MTUS1: variants seen among roughly 807,000 people sequenced by gnomAD.
MTUS1 encodes the protein microtubule-associated tumor suppressor 1.
MTUS1 carries 109 observed loss-of-function variants against 120.8 expected under a neutral mutation model. That is an observed-to-expected ratio of 0.90 (90% CI 0.77 to 1.06). MTUS1 has a LOEUF of 1.06. MTUS1 is among the 50% of genes least tolerant of loss of function. The pLI is 0.00. For synonymous variants in MTUS1, 737 were observed against 550.5 expected (o/e 1.34, Z -4.74); for missense variants, 2,210 against 1,486.3 (o/e 1.49, Z -8.01).
chr8:17,680,707 T>G (rs1262079192), intron 7 of MTUS1, among the ~76,000 whole-genome samples: 1 of 152,056 alleles, frequency 6.6e-6, no homozygotes, highest in Non-Finnish European at 1.5e-5. Context: ...ACTGAGCACC[T>G]GATAAAGGCC....
intron 8 of MTUS1, among the ~76,000 whole-genome samples, chr8:17,661,237 G>A (rs1339779125): frequency 6.6e-6 from 1 of 152,184 alleles, no homozygotes; most frequent in East Asian, 1.9e-4. Flanking sequence ...AACATACTTT[G>A]CAAGCCGTTG....
chr8:17,774,398 A>T (rs2050251399), intron 1 of MTUS1, among the ~76,000 whole-genome samples: 1 of 152,192 alleles, frequency 6.6e-6, no homozygotes, highest in Non-Finnish European at 1.5e-5. Context: ...TCAGAAGAGG[A>T]TAAGGACTGG....
At chr8:17,785,292 A>C (rs186360297) in intron 1 of MTUS1, among the ~76,000 whole-genome samples, 36 of 152,358 alleles carry the variant, frequency 2.4e-4, no homozygotes, top group Admixed American at 1.4e-3. Context: ...TGGAGGCTAA[A>C]GGGACCCAGA....
intron 14 of MTUS1, 59 bp from the exon 15 acceptor site, chr8:17,646,198 ATTTTTCTTAGCGTT>A: frequency 6.8e-7 from 1 of 1,471,836 alleles, no homozygotes; most frequent in South Asian, 1.4e-5. Context: ...AACTTGAAAA[ATTTTTCTTAGCGTT>A]TGAAACTTTA....
In MTUS1 at chr8:17,754,687, G is replaced by A. The variant is rs2048463311; in HGVS notation, c.1121C>T (p.Thr374Ile). 1.9e-6 allele frequency: 3 copies of A among 1,614,080 alleles called. No individual in the cohort carries two copies. In the African/African-American group the frequency reaches 4.0e-5, roughly 22 times the overall value. Residue 374 changes from threonine to isoleucine, a missense_variant, in exon 2 of 15, where the codon ACT becomes ATT. Transcript: ENST00000693296. ...VLNPEHKVTETEDTQMVSKGK... is the reference protein window; with the variant it reads ...VLNPEHKVTEIEDTQMVSKGK... ...TTTGGAGACCATTTGTGTGTCTTCA[G>A]TCTCAGTGACTTTATGCTCTGGGTT...
At chr8:17,776,637 C>G (rs1054624062) in intron 1 of MTUS1, among the ~76,000 whole-genome samples, 3 of 138,006 alleles carry the variant, frequency 2.2e-5, no homozygotes, top group African/African-American at 8.3e-5. Context: ...TGAGACTGCA[C>G]CACGGCACTC....
intron 1 of MTUS1, among the ~76,000 whole-genome samples, chr8:17,783,553 G>A (rs987551536): frequency 6.6e-6 from 1 of 152,068 alleles, no homozygotes; most frequent in East Asian, 1.9e-4. Flanking sequence ...TATGCAATGC[G>A]CATGCTGTTG....
intron 6 of MTUS1, among the ~76,000 whole-genome samples, chr8:17,712,908 C>G (rs988192427): frequency 6.6e-6 from 1 of 152,026 alleles, no homozygotes; most frequent in Non-Finnish European, 1.5e-5. Context: ...AAGGAATATC[C>G]AATTTCAAAA....
At chr8:17,758,945 G>C (rs1290306656) in intron 1 of MTUS1, among the ~76,000 whole-genome samples, 1 of 152,150 alleles carries the variant, frequency 6.6e-6, no homozygotes, top group African/African-American at 2.4e-5. Flanking sequence ...GCAGTGGCGC[G>C]ATCTCGGCTC....
intron 6 of MTUS1, among the ~76,000 whole-genome samples, chr8:17,685,346 A>G (rs1194626180): frequency 6.6e-6 from 1 of 152,174 alleles, no homozygotes; most frequent in Non-Finnish European, 1.5e-5. Flanking sequence ...CAGTCTTGGA[A>G]CCATTCCAAA....
chr8:17,693,016 T>C (rs1265869084), intron 6 of MTUS1, among the ~76,000 whole-genome samples: 1 of 152,176 alleles, frequency 6.6e-6, no homozygotes, highest in Admixed American at 6.5e-5. Context: ...GCGTACTGAA[T>C]TGCCTTCACT....
intron 13 of MTUS1, 41 bp downstream of exon 13, chr8:17,649,805 C>G: frequency 9.1e-7 from 1 of 1,100,708 alleles, no homozygotes; most frequent in East Asian, 2.4e-5. Flanking sequence ...ACACATATTA[C>G]CCCATTTGTA....
At chr8:17,767,050 C>G (rs912508321) in intron 1 of MTUS1, among the ~76,000 whole-genome samples, 4 of 152,096 alleles carry the variant, frequency 2.6e-5, no homozygotes, top group African/African-American at 9.6e-5. Flanking sequence ...CTGTTATCAT[C>G]ACATAGTGTG....
Position 17,661,564 on chromosome 8 carries a change from C to T in MTUS1, c.2906-5499G>A, listed in dbSNP as rs189324563. 4.6e-5 allele frequency among the ~76,000 whole-genome samples: 7 copies of T among 152,082 alleles called. No individual in the cohort carries two copies. In the East Asian group the frequency reaches 1.2e-3, roughly 25 times the overall value. ...TCGCTTTGAATATGTAATTGTGGCA[C>T]ATCAGCCTTTAAAACCAAATAGGAT... On this transcript the variant is annotated intron_variant, in intron 8 of 14. Coordinates refer to ENST00000693296, the MANE Select transcript of MTUS1 (RefSeq NM_001363059.2).
chr8:17,698,185 T>G (rs747468914), intron 6 of MTUS1, among the ~76,000 whole-genome samples: 1 of 152,194 alleles, frequency 6.6e-6, no homozygotes, highest in Admixed American at 6.5e-5. Flanking sequence ...TCCAGAAGAA[T>G]AGTCCATCAG....
chr8:17,794,154 C>T (rs1309180070), intron 1 of MTUS1, among the ~76,000 whole-genome samples: 26 of 151,858 alleles, frequency 1.7e-4, no homozygotes, highest in Admixed American at 1.7e-3. Context: ...ATGGTGAAAC[C>T]CTGTCTCTAC....
intron 6 of MTUS1, among the ~76,000 whole-genome samples, chr8:17,688,287 C>T (rs1049418694): frequency 4.6e-5 from 7 of 152,122 alleles, no homozygotes; most frequent in Non-Finnish European, 7.3e-5. Context: ...TGGTGCTTTG[C>T]GGGGACAGGA....
intron 2 of MTUS1, among the ~76,000 whole-genome samples, chr8:17,744,220 T>C (rs747567351): frequency 4.6e-5 from 7 of 152,198 alleles, no homozygotes; most frequent in Non-Finnish European, 7.3e-5. Context: ...TCTTCTTCCC[T>C]TCCCAGATCT....
At chr8:17,790,187 A>G (rs1050756261) in intron 1 of MTUS1, among the ~76,000 whole-genome samples, 1 of 152,018 alleles carries the variant, frequency 6.6e-6, no homozygotes, top group African/African-American at 2.4e-5. Flanking sequence ...CCTCTAATAA[A>G]AATACAAAAA....
Sources: gnomAD v4.1 joint callset for allele counts (sites outside exome capture counted in the v4.1 genomes callset) on GRCh38, gnomAD v4.1.1 for gene constraint, MANE v1.5 for transcripts, NCBI Gene and HGNC (gene_info 2026-07-23, HGNC 2026-07-21) for gene names.